NEK6: variants seen among roughly 807,000 people sequenced by gnomAD.
NEK6 encodes the protein serine/threonine-protein kinase Nek6.
In NEK6, 27 loss-of-function variants were observed where a neutral mutation model predicts 43.5. The observed-to-expected ratio is 0.62, with a 90% confidence interval of 0.46 to 0.86. NEK6 has a LOEUF of 0.86. Ranked by LOEUF, NEK6 falls within the 40% of genes least tolerant of loss-of-function variation. The pLI is 0.00. For synonymous variants in NEK6, 167 were observed against 164.1 expected, an observed-to-expected ratio of 1.02 and a Z score of -0.14; for missense variants, 318 against 414.4, an observed-to-expected ratio of 0.77 and a Z score of 2.02.
intron 5 of NEK6, among the ~76,000 whole-genome samples, chr9:124,323,314 A>AGG (rs1405063648): frequency 6.6e-6 from 1 of 152,210 alleles, no homozygotes; most frequent in African/African-American, 2.4e-5. Context: ...GGGATGGGAA[A>AGG]GGGAAGGGAG....
intron 1 of NEK6, chr9:124,292,981 G>T: frequency 6.3e-7 from 1 of 1,575,492 alleles, no homozygotes. Context: ...GCTCATTTCC[G>T]GCAGGAGGAG....
rs541111870 is a variant in NEK6 at position 124,337,985 on chromosome 9, T to A, written c.623-1586T>A. On this transcript the variant is annotated intron_variant, in intron 7 of 9. Coordinates refer to ENST00000320246, the MANE Select transcript of NEK6 (RefSeq NM_014397.6). Reference sequence around the variant, plus strand: ...CCTCATTGTGTTTTTTTGGTTTTGTTTTTTGTTTTGAGACAGAGTCTCACT... The same window carrying A: ...CCTCATTGTGTTTTTTTGGTTTTGTATTTTGTTTTGAGACAGAGTCTCACT... Among the ~76,000 whole-genome samples, 1,305 of 152,306 alleles carry A rather than the reference T, an allele frequency of 8.6e-3. 13 individuals are homozygous for A. The highest frequency in any genetic ancestry group is 0.03 in the African/African-American group (1,229 of 41,564).
At chr9:124,333,841 G>A (rs1486157925) in intron 7 of NEK6, among the ~76,000 whole-genome samples, 3 of 148,478 alleles carry the variant, frequency 2.0e-5, no homozygotes, top group African/African-American at 5.0e-5. Context: ...GCAGTGGTGC[G>A]ATCTCGGCTC....
chr9:124,310,363 G>C (rs76781256), intron 2 of NEK6, among the ~76,000 whole-genome samples: 3,446 of 152,326 alleles, frequency 0.023, 51 homozygotes, highest in Non-Finnish European at 0.033. Context: ...TCTGTGTACA[G>C]GTGTATTTAC....
In NEK6 at chr9:124,343,414, A is replaced by T. The variant is rs1829756083; in HGVS notation, c.717+3749A>T. Among the ~76,000 whole-genome samples the T allele has an allele frequency of 6.6e-6, 1 of 152,076 alleles. No homozygotes were observed. Among genetic ancestry groups the T allele is most frequent in the Admixed American group, 6.5e-5 (1 of 15,280 alleles). ...CCTGAGGGGATTAGCGTCCTCAGGG[A>T]CATCAGGCGCTGACCTAACCCTAGC... On this transcript the variant is annotated intron_variant, in intron 8 of 9. Coordinates refer to ENST00000320246, the MANE Select transcript of NEK6 (RefSeq NM_014397.6). The surrounding 1 kb of genome is among the most constrained non-coding windows in gnomAD (Gnocchi z 5.1).
intron 1 of NEK6, among the ~76,000 whole-genome samples, chr9:124,289,156 TTTGA>T (rs1371528731): frequency 5.8e-5 from 8 of 138,030 alleles, no homozygotes; most frequent in African/African-American, 1.4e-4. Context: ...TAGTTAAGAC[TTTGA>T]TTGGACACCC....
At chr9:124,264,027 G>A (rs1041307118) in intron 1 of NEK6, among the ~76,000 whole-genome samples, 16 of 152,120 alleles carry the variant, frequency 1.1e-4, no homozygotes, top group Non-Finnish European at 2.2e-4. Context: ...TGACAGGAGC[G>A]GCTGTCACAG....
intron 1 of NEK6, among the ~76,000 whole-genome samples, chr9:124,266,444 G>C (rs755966593): frequency 1.8e-4 from 28 of 152,170 alleles, no homozygotes; most frequent in Non-Finnish European, 3.7e-4. Context: ...GGAGGACAGA[G>C]GCTGCCCTCC....
chr9:124,338,657 G>A (rs1312725906), intron 7 of NEK6, among the ~76,000 whole-genome samples: 3 of 152,246 alleles, frequency 2.0e-5, no homozygotes, highest in Non-Finnish European at 4.4e-5. Context: ...ATTGGCGGGT[G>A]GCCATGGGCA....
chr9:124,265,639 G>A (rs1831201140), intron 1 of NEK6: 1 of 152,246 alleles, frequency 6.6e-6, no homozygotes, highest in Non-Finnish European at 1.5e-5. Flanking sequence ...CATGCAGCCT[G>A]CTGCTCTGTA....
At chr9:124,295,106 C>T (rs532956178) in intron 1 of NEK6, among the ~76,000 whole-genome samples, 1 of 152,370 alleles carries the variant, frequency 6.6e-6, no homozygotes, top group South Asian at 2.1e-4. Context: ...GGCCCCACCA[C>T]CCTGAGGAAG....
At chr9:124,341,174 C>T (rs1424568354) in intron 8 of NEK6, among the ~76,000 whole-genome samples, 3 of 152,230 alleles carry the variant, frequency 2.0e-5, no homozygotes, top group Non-Finnish European at 4.4e-5. Context: ...TCCCAAGTAG[C>T]TGGGACTACA....
chr9:124,331,437 GA>G (rs1828994185), intron 7 of NEK6, among the ~76,000 whole-genome samples: 1 of 151,974 alleles, frequency 6.6e-6, no homozygotes, highest in Admixed American at 6.5e-5. Context: ...AGCTCAAGTT[GA>G]AGAGCCCTTC....
At chr9:124,345,767 C>T (rs1829891536) in intron 8 of NEK6, among the ~76,000 whole-genome samples, 1 of 152,226 alleles carries the variant, frequency 6.6e-6, no homozygotes, top group South Asian at 2.1e-4. Context: ...CTCGGGGGCA[C>T]CCAGATCACC....
intron 8 of NEK6, among the ~76,000 whole-genome samples, chr9:124,344,964 G>T (rs965804063): frequency 6.6e-6 from 1 of 152,212 alleles, no homozygotes; most frequent in African/African-American, 2.4e-5. Flanking sequence ...GGATGTGCTC[G>T]AGAGACACTG....
upstream of NEK6, chr9:124,257,610 T>C (rs903574218): frequency 1.4e-6 from 2 of 1,454,808 alleles, no homozygotes. Flanking sequence ...GTAGGAGCAA[T>C]GCTAGGCGAT....
At chr9:124,292,404 C>T in intron 1 of NEK6, 2 of 1,527,360 alleles carry the variant, frequency 1.3e-6, no homozygotes, top group Non-Finnish European at 1.8e-6. Flanking sequence ...AAAAGCAATT[C>T]TTTCTCTAGG....
chr9:124,323,838 T>TG (rs1417857203), intron 5 of NEK6, among the ~76,000 whole-genome samples: 10 of 152,056 alleles, frequency 6.6e-5, no homozygotes, highest in Admixed American at 2.0e-4. Context: ...TGGGATGGGG[T>TG]GTCTCCTTCC....
At chr9:124,262,708 T>G (rs142941328) in intron 1 of NEK6, among the ~76,000 whole-genome samples, 2,106 of 152,316 alleles carry the variant, frequency 0.014, 44 homozygotes, top group African/African-American at 0.049. Context: ...TGCATTCAGT[T>G]GCAGTGGCCT....
Sources: allele counts gnomAD v4.1 joint callset (sites outside exome capture counted in the v4.1 genomes callset), GRCh38; gene constraint gnomAD v4.1.1; non-coding constraint Gnocchi (gnomAD v3.1); transcripts MANE v1.5; gene names NCBI Gene and HGNC (gene_info 2026-07-23, HGNC 2026-07-21).